RANBP17: variants seen among roughly 807,000 people sequenced by gnomAD.
RANBP17 encodes the protein RAN binding protein 17, also known as ran-binding protein 17.
Under a neutral mutation model 141.2 loss-of-function variants are expected in RANBP17, and 158 were observed. The observed-to-expected ratio is 1.12, with a 90% CI of 0.98 to 1.28. The LOEUF is 1.28. Ranked by LOEUF, RANBP17 falls within the 50% of genes most tolerant of loss-of-function variation. The pLI, the probability that RANBP17 is intolerant of heterozygous loss-of-function variation, is 0.00. For synonymous variants in RANBP17, 430 were observed against 450.0 expected (o/e 0.96, Z 0.56); for missense variants, 1,438 against 1,290.7 (o/e 1.11, Z -1.75).
chr5:171,227,634 C>T (rs549187137), intron 22 of RANBP17, among the ~76,000 whole-genome samples: 43 of 152,296 alleles, frequency 2.8e-4, no homozygotes, highest in African/African-American at 9.9e-4. Context: ...ACATTTTTCA[C>T]GGAGACAAAA....
chr5:171,093,252 A>G (rs1178964550), intron 14 of RANBP17, among the ~76,000 whole-genome samples: 1 of 151,758 alleles, frequency 6.6e-6, no homozygotes, highest in Non-Finnish European at 1.5e-5. Flanking sequence ...CATATCACGG[A>G]CAGGTTTTAT....
At chr5:171,048,241 G>A (rs1782722301) in intron 14 of RANBP17, among the ~76,000 whole-genome samples, 1 of 151,906 alleles carries the variant, frequency 6.6e-6, no homozygotes, top group South Asian at 2.1e-4. Context: ...TTTATTTTTT[G>A]TAGAGACATC....
intron 12 of RANBP17, among the ~76,000 whole-genome samples, chr5:170,939,582 C>A (rs922733576): frequency 6.6e-6 from 1 of 151,902 alleles, no homozygotes; most frequent in Non-Finnish European, 1.5e-5. Flanking sequence ...GACGGAGTTT[C>A]GCCATGTTGT....
At chr5:170,948,863 A>G (rs1488609130) in intron 12 of RANBP17, among the ~76,000 whole-genome samples, 2 of 152,176 alleles carry the variant, frequency 1.3e-5, no homozygotes, top group Admixed American at 1.3e-4. Flanking sequence ...GTAGACAGAC[A>G]TATAGGACCT....
chr5:171,110,391 T>C (rs949405864), intron 14 of RANBP17, among the ~76,000 whole-genome samples: 3 of 152,178 alleles, frequency 2.0e-5, no homozygotes, highest in African/African-American at 7.2e-5. Flanking sequence ...AGCATAGCCC[T>C]TCTAGTGTTG....
intron 14 of RANBP17, among the ~76,000 whole-genome samples, chr5:171,055,995 C>G (rs1345491571): frequency 1.3e-5 from 2 of 151,334 alleles, no homozygotes; most frequent in Non-Finnish European, 2.9e-5. Context: ...GAGAAATCAG[C>G]TAGAGAGAAA....
chr5:171,101,844 T>C (rs755809944), intron 14 of RANBP17, among the ~76,000 whole-genome samples: 1 of 152,164 alleles, frequency 6.6e-6, no homozygotes, highest in African/African-American at 2.4e-5. Context: ...ATTTCTCCTT[T>C]ACTTATGAAG....
intron 14 of RANBP17, among the ~76,000 whole-genome samples, chr5:171,052,013 G>T (rs1407062782): frequency 2.0e-5 from 3 of 151,798 alleles, no homozygotes; most frequent in Non-Finnish European, 4.4e-5. Flanking sequence ...CTGAGGTTTA[G>T]CATCATTTGT....
intron 14 of RANBP17, among the ~76,000 whole-genome samples, chr5:171,070,128 A>G (rs148451587): frequency 3.5e-4 from 53 of 152,304 alleles, no homozygotes; most frequent in African/African-American, 1.1e-3. Flanking sequence ...TATAGGTCAG[A>G]CTAAGCAAGT....
intron 24 of RANBP17, among the ~76,000 whole-genome samples, chr5:171,263,843 G>A (rs776412864): frequency 3.9e-5 from 6 of 152,084 alleles, no homozygotes; most frequent in Non-Finnish European, 5.9e-5. Context: ...CTGGCAGATC[G>A]CTTGAGCTCA....
chr5:170,886,651 CTTTT>C (rs3080616), intron 3 of RANBP17, among the ~76,000 whole-genome samples: 1,458 of 87,880 alleles, frequency 0.017, 8 homozygotes, highest in Middle Eastern at 0.046. Flanking sequence ...TTTGAGGTGC[CTTTT>C]TTTTTTTTTT....
At chr5:171,005,418 A>G (rs944254609) in intron 14 of RANBP17, among the ~76,000 whole-genome samples, 21 of 152,224 alleles carry the variant, frequency 1.4e-4, no homozygotes, top group African/African-American at 3.9e-4. Context: ...GGAACAGAAC[A>G]GAGCCCTCAG....
At chr5:170,981,178 G>T (rs943152296) in intron 14 of RANBP17, among the ~76,000 whole-genome samples, 1 of 152,182 alleles carries the variant, frequency 6.6e-6, no homozygotes, top group African/African-American at 2.4e-5. Context: ...TTTTGTGTAG[G>T]AAATAACTAA....
chr5:171,277,635 A>ATGTGTGTG (rs1386796395), intron 25 of RANBP17, among the ~76,000 whole-genome samples: 25 of 70,630 alleles, frequency 3.5e-4, no homozygotes, highest in African/African-American at 1.5e-3. Context: ...ACATATATGT[A>ATGTGTGTG]TGTATATATA....
At chr5:170,978,231 A>G (rs1039288314) in intron 14 of RANBP17, among the ~76,000 whole-genome samples, 2 of 152,196 alleles carry the variant, frequency 1.3e-5, no homozygotes, top group African/African-American at 4.8e-5. Context: ...AGTGGAACAC[A>G]TGATAACATT....
At chr5:171,089,213 C>T (rs1419929259) in intron 14 of RANBP17, among the ~76,000 whole-genome samples, 5 of 131,724 alleles carry the variant, frequency 3.8e-5, no homozygotes, top group East Asian at 2.4e-4. Flanking sequence ...TTGGAATACC[C>T]TGCAGTGTGA....
intron 24 of RANBP17, among the ~76,000 whole-genome samples, chr5:171,253,394 T>A (rs926169739): frequency 1.3e-5 from 2 of 152,246 alleles, no homozygotes; most frequent in Non-Finnish European, 2.9e-5. Context: ...TAAATTTGCC[T>A]GGTTCAGTAT....
intron 3 of RANBP17, among the ~76,000 whole-genome samples, chr5:170,886,551 G>A (rs1433399123): frequency 2.0e-5 from 3 of 150,168 alleles, no homozygotes; most frequent in Non-Finnish European, 4.4e-5. Context: ...ATAGATTTGT[G>A]TATATTTTAT....
intron 11 of RANBP17, among the ~76,000 whole-genome samples, chr5:170,921,746 A>G (rs1410141788): frequency 6.6e-6 from 1 of 152,114 alleles, no homozygotes; most frequent in Admixed American, 6.5e-5. Flanking sequence ...CAAGGTTCAT[A>G]GCTTCCTTTC....
Sources: allele counts gnomAD v4.1 joint callset (sites outside exome capture counted in the v4.1 genomes callset), GRCh38; gene constraint gnomAD v4.1.1; transcripts MANE v1.5; gene names NCBI Gene and HGNC (gene_info 2026-07-23, HGNC 2026-07-21).